Variants in L1CAM observed in about 807,000 individuals in gnomAD.
L1CAM encodes L1 cell adhesion molecule, also known as neural cell adhesion molecule L1.
Under a neutral mutation model 93.0 loss-of-function variants are expected in L1CAM, and 8 were observed. The ratio of observed to expected loss-of-function variants is 0.09; its 90% CI spans 0.05 to 0.16. L1CAM has a LOEUF of 0.16. Among genes scored for constraint, L1CAM ranks in the 10% least tolerant of loss-of-function variants. The probability of loss-of-function intolerance (pLI) is 1.00; values close to 1 mark genes in which losing one functional copy is unlikely to be tolerated. For synonymous variants in L1CAM, 453 were observed against 453.0 expected (o/e 1.00, Z 0.00); for missense variants, 777 against 1,073.4 (o/e 0.72, Z 3.86).
At chrX:153,872,805 C>A (rs906402177) in intron 3 of L1CAM, 108 bp from the exon 4 acceptor site, 12 of 642,889 alleles carry the variant, frequency 1.9e-5, no homozygotes, top group Non-Finnish European at 2.6e-5. Flanking sequence ...CCCTGGAGGC[C>A]CCATGGCCAC....
chrX:153,882,854 C>T (rs782742686), intron 1 of L1CAM, among the ~76,000 whole-genome samples: 2 of 112,220 alleles, frequency 1.8e-5, no homozygotes, highest in African/African-American at 3.2e-5. Context: ...GGGAAGAACA[C>T]GGGGACCTGG....
In L1CAM at chrX:153,865,392, G is replaced by A. The variant is rs782814242; in HGVS notation, c.2656C>T (p.Arg886Trp). 11 of 1,209,335 alleles carry A rather than the reference G, an allele frequency of 9.1e-6. No individual in the cohort carries two copies. Among genetic ancestry groups the A allele is most frequent in the Admixed American group, 2.2e-5 (1 of 45,906 alleles). ...TCCAGGTGGTAGGAGCTATAGGGCC[G>A]CAAGCCACTGAGGATGACACTGGTG... ...NTTSVILSGL[R>W]PYSSYHLEVQ... The change falls in exon 21 of 29, where the codon CGG becomes TGG. Residue 886 changes from arginine to tryptophan, a missense_variant. This residue lies in a region of L1CAM where 574 missense variants were observed against 781.0 expected (regional missense o/e 0.73). Transcript: ENST00000370060.
At position 153,863,934 on chromosome X, in the gene L1CAM, C is replaced by T. The variant is rs151235801; in HGVS notation, c.3406G>A (p.Val1136Ile). The change falls in exon 26 of 29, where the codon GTC becomes ATC. Residue 1136 changes from valine (V) to isoleucine (I), a missense_variant. Physicochemically the swap from Val to Ile is conservative, Grantham distance 29. Transcript: ENST00000370060. ...TTGATGAAGCAGAGGATGAGCAGGA[C>T]GAGGAGCAGGAGGATGATGGCACTC... Reference protein sequence around the residue: ...FVSAIILLLLVLLILCFIKRS... With the variant: ...FVSAIILLLLILLILCFIKRS... 1.5e-5 allele frequency: 18 copies of T among 1,211,030 alleles called. No individual in the cohort carries two copies. In the African/African-American group the frequency reaches 2.8e-4, roughly 19 times the overall value.
At chrX:153,885,695 C>A (rs944777548) in intron 1 of L1CAM, 2 of 350,467 alleles carry the variant, frequency 5.7e-6, no homozygotes, top group Non-Finnish European at 8.6e-6. Context: ...GCGCTCGACC[C>A]GATCTGGCTT....
At chrX:153,866,343 A>G (rs1275143114) in intron 19 of L1CAM, among the ~76,000 whole-genome samples, 1 of 104,735 alleles carries the variant, frequency 9.5e-6, no homozygotes, top group Non-Finnish European at 2.0e-5. Flanking sequence ...AAAAGAAAAG[A>G]AAAGAAAAAA....
chrX:153,862,938 C>T, intron 28 of L1CAM, 44 bp from the exon 29 acceptor site: 1 of 1,067,017 alleles, frequency 9.4e-7, no homozygotes, highest in East Asian at 3.1e-5. Flanking sequence ...ACTGCCGAGC[C>T]CCTGCAGGAG....
Position 153,868,781 on chromosome X carries a change from C to T in L1CAM, c.1380-54G>A, listed in dbSNP as rs782350326. ...GACTGGCTGGCCTGGGCTCCCTGCC[C>T]TCCCTGGCTCCCTGGCCACTGGGAC... On this transcript the variant is annotated intron_variant, in intron 12 of 28. Transcript: ENST00000370060. 1.6e-5 allele frequency: 19 copies of T among 1,196,897 alleles called. No individual in the cohort carries two copies. In the African/African-American group the frequency reaches 3.0e-4, roughly 19 times the overall value.
Position 153,866,695 on chromosome X carries a change from G to A in L1CAM, c.2385C>T (p.Gly795=), listed in dbSNP as rs1557090967. 8.3e-7 allele frequency: 1 copy of A among 1,211,579 alleles called. No homozygotes were observed. The highest frequency in any genetic ancestry group is 1.1e-6 in the Non-Finnish European group (1 of 895,264). Residue 795 remains glycine, a synonymous_variant, in exon 19 of 29, where the codon GGC becomes GGT. Coordinates refer to ENST00000370060, the MANE Select transcript of L1CAM (RefSeq NM_001278116.2). ...EIKVQAVNSQ[G]KGPEPQVTIG... Reference sequence around the variant, plus strand: ...TAGTGACCTGGGGCTCTGGTCCCTTGCCCTGGCTGTTGACGGCCTGGACTT... The same window carrying A: ...TAGTGACCTGGGGCTCTGGTCCCTTACCCTGGCTGTTGACGGCCTGGACTT...
chrX:153,866,190 G>C (rs2064710934), intron 19 of L1CAM, among the ~76,000 whole-genome samples: 1 of 109,368 alleles, frequency 9.1e-6, no homozygotes, highest in Non-Finnish European at 1.9e-5. Context: ...GCGCGTGCCT[G>C]TAATCCCAGC....
intron 1 of L1CAM, 189 bp downstream of exon 1, chrX:153,885,875 GC>G: frequency 1.4e-6 from 1 of 733,390 alleles, no homozygotes; most frequent in Non-Finnish European, 1.7e-6. Flanking sequence ...TCCCTCCCCC[GC>G]CCCGCTTACA....
rs1557096400 is a variant in L1CAM at position 153,884,121 on chromosome X, A to G, written c.-109+1944T>C. 3.9e-6 allele frequency: 3 copies of G among 759,868 alleles called. No individual in the cohort carries two copies. The African/African-American group carries it at 6.5e-5, about 16-fold the overall frequency. 62.6% of individuals were successfully genotyped at this position (759,868 alleles called of 1,213,427 possible). On this transcript the variant is annotated intron_variant, in intron 1 of 28. Coordinates refer to ENST00000370060, the MANE Select transcript of L1CAM (RefSeq NM_001278116.2). ...CTTCAGATAATCATCAAGAAAAAAG[A>G]AAACAAGTGACACCCCACGAAGACA...
intron 15 of L1CAM, 34 bp downstream of exon 15, chrX:153,867,964 C>T: frequency 8.3e-7 from 1 of 1,210,741 alleles, no homozygotes; most frequent in African/African-American, 1.7e-5. Context: ...GAGCCCCGGC[C>T]TTCTGGAGTG....
chrX:153,864,417 G>A lies in L1CAM; in HGVS notation c.3227C>T (p.Thr1076Met), dbSNP rs781826722. ...AGTGTCAGGCTGCAGGTCCCACTGC[G>A]TGTAGGAGCTCTGGTTGTAGCTGAC... The part of the protein sequence containing the change: ...QYVSYNQSSY[T>M]QWDLQPDTDY... The change falls in exon 25 of 29, where the codon ACG (threonine) becomes ATG (methionine). Residue 1076 changes from threonine to methionine, a missense_variant. Thr to Met is a moderately conservative substitution (Grantham distance 81, BLOSUM62 -1). Around this residue, in one of 5 missense-constraint regions of L1CAM, gnomAD observed 18 missense variants for 53.0 expected, o/e 0.34. Coordinates refer to ENST00000370060, the MANE Select transcript of L1CAM (RefSeq NM_001278116.2). The A allele has an allele frequency of 9.9e-6, 12 of 1,209,683 alleles. No individual in the cohort carries two copies. The highest frequency in any genetic ancestry group is 4.6e-4 in the Middle Eastern group (2 of 4,367).
In L1CAM at chrX:153,864,738, C is replaced by T. The variant is rs782175140; in HGVS notation, c.3047-34G>A. The T allele has an allele frequency of 3.3e-6, 4 of 1,211,986 alleles. No homozygotes were observed. In the Admixed American group the frequency reaches 8.7e-5, roughly 26 times the overall value. Reference sequence around the variant, plus strand: ...ATGCAGGGGAACGAGGAGAGTGTGGCAGCTGCCAGGAAGTCTAAGGCCCTC... The same window carrying T: ...ATGCAGGGGAACGAGGAGAGTGTGGTAGCTGCCAGGAAGTCTAAGGCCCTC... On this transcript the variant is annotated intron_variant, in intron 23 of 28. Transcript: ENST00000370060.
At chrX:153,884,435 G>A (rs1318518621) in intron 1 of L1CAM, 1 of 260,451 alleles carries the variant, frequency 3.8e-6, no homozygotes, top group African/African-American at 2.8e-5. Flanking sequence ...TGCTGAACGT[G>A]TTTCCCTCTT....
chrX:153,865,024 C>T, intron 22 of L1CAM, 30 bp from the exon 23 acceptor site: 5 of 1,212,077 alleles, frequency 4.1e-6, no homozygotes, highest in South Asian at 1.8e-5. Context: ...TTGGCTGTGG[C>T]TGCAGCTCTG....
In L1CAM at chrX:153,870,919, G is replaced by A; in HGVS notation, c.565C>T (p.Gln189Ter). 8.3e-7 allele frequency: 1 copy of A among 1,211,240 alleles called. No individual in the cohort carries two copies. Among genetic ancestry groups the A allele is most frequent in the Non-Finnish European group, 1.1e-6 (1 of 895,345 alleles). The change falls in exon 7 of 29, where the codon CAG (glutamine) becomes TAG (stop). Residue 189 changes from glutamine to a stop codon, truncating the protein, a stop_gained. Transcript: ENST00000370060. LOFTEE classifies it high-confidence loss of function. ...IKQDERVTMGQNGNLYFANVL... is the reference protein window; with the variant it reads ...IKQDERVTMG ...TTGGCAAAGTAGAGGTTGCCGTTCT[G>A]GCCCATCGTCACCCGCTCGTCCTGC...
Position 153,864,923 on chromosome X carries a change from C to T in L1CAM, c.2944G>A (p.Asp982Asn), listed in dbSNP as rs782121391. ...DPELRTHNLT[D>N]LSPHLRYRFQ... ...CGGTACCGCAGGTGGGGGCTGAGAT[C>T]GGTCAGGTTGTGTGTCCGAAGTTCG... The change falls in exon 23 of 29, where the codon GAT (aspartate) becomes AAT (asparagine). Residue 982 changes from aspartate (D) to asparagine (N), a missense_variant. This residue lies in a region of L1CAM where 71 missense variants were observed against 77.4 expected (regional missense o/e 0.92). Coordinates refer to ENST00000370060, the MANE Select transcript of L1CAM (RefSeq NM_001278116.2). 1.9e-5 allele frequency: 23 copies of T among 1,211,033 alleles called. No homozygotes were observed. The East Asian group carries it at 4.4e-4, about 23-fold the overall frequency.
At chrX:153,867,754 G>T in intron 16 of L1CAM, 46 bp downstream of exon 16, 1 of 1,123,885 alleles carries the variant, frequency 8.9e-7, no homozygotes, top group Non-Finnish European at 1.2e-6. Context: ...AGGGGCCAGG[G>T]CTGGCAGAAG....
Sources: gnomAD v4.1 joint callset for allele counts (sites outside exome capture counted in the v4.1 genomes callset) on GRCh38, gnomAD v4.1.1 for gene constraint, gnomAD v4.1.1 regional missense constraint, MANE v1.5 for transcripts, NCBI Gene and HGNC (gene_info 2026-07-23, HGNC 2026-07-21) for gene names.